The following IGSF11 variants were observed in gnomAD, a reference collection of about 807,000 sequenced individuals.
IGSF11 encodes the protein CXADR like 1.
In IGSF11, 22 loss-of-function variants were observed where a neutral mutation model predicts 41.0. The ratio of observed to expected loss-of-function variants is 0.54; its 90% CI spans 0.38 to 0.77. IGSF11 has a LOEUF of 0.77. IGSF11 is among the 30% of genes least tolerant of loss of function. IGSF11 has a pLI of 0.00. For missense variants in IGSF11, 444 were observed against 530.8 expected (o/e 0.84, Z 1.61); for synonymous variants, 219 against 201.3 (o/e 1.09, Z -0.74).
Position 118,919,413 on chromosome 3 carries a change from G to GA in IGSF11, c.580+6687dup, listed in dbSNP as rs1281511115. Among the ~76,000 whole-genome samples the GA allele has an allele frequency of 5.3e-4, 49 of 92,844 alleles. 2 individuals carry two copies. Among genetic ancestry groups the GA allele is most frequent in the African/African-American group, 2.4e-3 (48 of 19,828 alleles). 60.9% of individuals were successfully genotyped at this position (92,844 alleles called of 152,430 possible). A position where few individuals can be genotyped will look rare whatever the true frequency, so the allele number is the denominator to read the frequency against. On this transcript the variant is annotated intron_variant, in intron 4 of 6. Coordinates refer to ENST00000393775, the MANE Select transcript of IGSF11 (RefSeq NM_001015887.3). Reference sequence around the variant, plus strand: ...ACAATGAACTCAAACAAATTTACAAGAAAAAAACAAACAACCCCATCAAAA... The same window carrying GA: ...ACAATGAACTCAAACAAATTTACAAGAAAAAAAACAAACAACCCCATCAAAA...
intron 1 of IGSF11, among the ~76,000 whole-genome samples, chr3:119,094,011 TAA>T (rs1409728707): frequency 6.6e-6 from 1 of 151,946 alleles, no homozygotes; most frequent in Admixed American, 6.6e-5. Flanking sequence ...TAAGAGATTT[TAA>T]GAGACATTTT....
intron 1 of IGSF11, among the ~76,000 whole-genome samples, chr3:119,085,050 C>A (rs138092228): frequency 1.0e-3 from 159 of 152,314 alleles, no homozygotes; most frequent in African/African-American, 3.8e-3. Context: ...CTGGAGGGAG[C>A]CTCAACGCCC....
chr3:119,032,786 T>G (rs1453851574), intron 1 of IGSF11, among the ~76,000 whole-genome samples: 1 of 152,224 alleles, frequency 6.6e-6, no homozygotes, highest in Non-Finnish European at 1.5e-5. Context: ...TACCATAAAT[T>G]ATTTGTGCAT....
chr3:119,105,724 T>G (rs150419624), upstream of IGSF11, among the ~76,000 whole-genome samples: 371 of 152,302 alleles, frequency 2.4e-3, 1 homozygote, highest in African/African-American at 8.1e-3. Flanking sequence ...GCTTGCAAGA[T>G]GGCATTTACT....
rs139003844 is a variant in IGSF11, at chr3:118,926,191, G to A, written c.490C>T (p.Leu164Phe). 193 of 1,611,978 alleles carry A rather than the reference G, an allele frequency of 1.2e-4. No individual in the cohort carries two copies. The highest frequency in any genetic ancestry group is 1.7e-4 in the Middle Eastern group (1 of 6,044). ...GGAATGCCTTCCTCTGAGCTACAGA[G>A]CAGGATGACATCGCTGCCAATATCC... ...SQDIGSDVIL[L>F]CSSEEGIPRP... The change falls in exon 4 of 7, where the codon CTC becomes TTC. Residue 164 changes from leucine to phenylalanine, a missense_variant. Around this residue, in one of 3 missense-constraint regions of IGSF11, gnomAD observed 193 missense variants for 283.5 expected, o/e 0.68. Coordinates refer to ENST00000393775, the MANE Select transcript of IGSF11 (RefSeq NM_001015887.3).
chr3:118,929,851 T>C (rs535909157), intron 2 of IGSF11, among the ~76,000 whole-genome samples: 5 of 152,306 alleles, frequency 3.3e-5, no homozygotes, highest in African/African-American at 4.8e-5. Context: ...AATTGCCTAT[T>C]AGCAATGTTG....
At chr3:118,956,727 C>A (rs1379112698) in intron 1 of IGSF11, among the ~76,000 whole-genome samples, 4 of 151,982 alleles carry the variant, frequency 2.6e-5, no homozygotes, top group African/African-American at 9.7e-5. Context: ...GATCACTGAC[C>A]ACAGATCATC....
intron 4 of IGSF11, among the ~76,000 whole-genome samples, chr3:118,922,409 TTGTG>T (rs59598173): frequency 6.7e-6 from 1 of 149,810 alleles, no homozygotes; most frequent in African/African-American, 2.4e-5. Context: ...ATAACTACCT[TTGTG>T]TGTGTGTGTG....
At chr3:119,144,888 TA>T (rs1205775486) in intron 1 of IGSF11, among the ~76,000 whole-genome samples, 1 of 152,122 alleles carries the variant, frequency 6.6e-6, no homozygotes, top group African/African-American at 2.4e-5. Context: ...ATTTAAGTTA[TA>T]AAATGGAAAA....
At chr3:119,089,100 AC>A (rs1181181207) in intron 1 of IGSF11, among the ~76,000 whole-genome samples, 5 of 152,176 alleles carry the variant, frequency 3.3e-5, no homozygotes, top group African/African-American at 1.2e-4. Flanking sequence ...TCAGCTTGAT[AC>A]AAAAATCTGG....
chr3:119,009,747 G>A (rs1050166926), intron 1 of IGSF11, among the ~76,000 whole-genome samples: 1 of 152,144 alleles, frequency 6.6e-6, no homozygotes, highest in African/African-American at 2.4e-5. Flanking sequence ...TATTTTGATT[G>A]TTAAGTAGTT....
chr3:118,970,473 A>G (rs1933261330), intron 1 of IGSF11, among the ~76,000 whole-genome samples: 1 of 152,214 alleles, frequency 6.6e-6, no homozygotes. Flanking sequence ...ATGGGAGTGA[A>G]GGATACTACA....
chr3:119,135,808 C>T (rs1246200687), intron 1 of IGSF11, among the ~76,000 whole-genome samples: 2 of 152,150 alleles, frequency 1.3e-5, no homozygotes, highest in Non-Finnish European at 2.9e-5. Context: ...GACTTGGAAC[C>T]AACCCAAATG....
intron 1 of IGSF11, among the ~76,000 whole-genome samples, chr3:119,102,942 G>A (rs1341947131): frequency 1.3e-5 from 2 of 151,752 alleles, no homozygotes; most frequent in African/African-American, 4.8e-5. Flanking sequence ...TTTACAGAAG[G>A]AGTGCATAAT....
intron 1 of IGSF11, among the ~76,000 whole-genome samples, chr3:118,931,051 G>A (rs1357477009): frequency 1.3e-5 from 2 of 152,190 alleles, no homozygotes; most frequent in Non-Finnish European, 2.9e-5. Context: ...ACAGGGTTGA[G>A]AGTACTGAAA....
intron 1 of IGSF11, among the ~76,000 whole-genome samples, chr3:119,144,104 T>A (rs1305507799): frequency 5.9e-5 from 9 of 151,542 alleles, no homozygotes; most frequent in Non-Finnish European, 1.5e-5. Context: ...CAGGCTGCAG[T>A]GCAGTGGCAC....
Position 118,902,808 on chromosome 3 carries a change from G to T in IGSF11, c.1008C>A (p.Ser336Arg). Residue 336 changes from serine (S) to arginine (R), a missense_variant, in exon 7 of 7, where the codon AGC becomes AGA. Around this residue, in one of 3 missense-constraint regions of IGSF11, gnomAD observed 223 missense variants for 226.2 expected, o/e 0.99. Coordinates refer to ENST00000393775, the MANE Select transcript of IGSF11 (RefSeq NM_001015887.3). The part of the protein sequence containing the change: ...PKVHRNTESV[S>R]HFSDLGQSFS... ...AAGATTGGCCCAAGTCACTGAAGTG[G>T]CTGACTGACTCTGTGTTTCTATGAA... 1 of 1,614,174 alleles carries T rather than the reference G, an allele frequency of 6.2e-7. No homozygotes were observed. Among genetic ancestry groups the T allele is most frequent in the Non-Finnish European group, 8.5e-7 (1 of 1,180,008 alleles).
At chr3:119,135,061 T>C (rs2077540672) in intron 1 of IGSF11, among the ~76,000 whole-genome samples, 1 of 152,114 alleles carries the variant, frequency 6.6e-6, no homozygotes, top group Non-Finnish European at 1.5e-5. Context: ...AAAAATTAAT[T>C]CAAGACGGAT....
At chr3:118,957,146 A>T (rs1945019312) in intron 1 of IGSF11, among the ~76,000 whole-genome samples, 1 of 152,026 alleles carries the variant, frequency 6.6e-6, no homozygotes, top group Admixed American at 6.6e-5. Flanking sequence ...ATGAGATGAG[A>T]CTTGTCAACT....
Sources: allele counts gnomAD v4.1 joint callset (sites outside exome capture counted in the v4.1 genomes callset), GRCh38; gene constraint gnomAD v4.1.1; regional missense constraint gnomAD v4.1.1; transcripts MANE v1.5; gene names NCBI Gene and HGNC (gene_info 2026-07-23, HGNC 2026-07-21).